Variants in HS6ST3 observed in about 807,000 individuals in gnomAD.
HS6ST3 encodes heparan-sulfate 6-O-sulfotransferase 3.
A neutral mutation model predicts 36.7 loss-of-function variants in HS6ST3; 12 were observed. The observed-to-expected ratio is 0.33, with a 90% CI of 0.21 to 0.53. The LOEUF (loss-of-function observed/expected upper bound fraction) is 0.53. HS6ST3 is among the 20% of genes least tolerant of loss of function. The pLI is 0.95. For missense variants in HS6ST3, 584 were observed against 640.9 expected, an observed-to-expected ratio of 0.91 and a Z score of 0.96; for synonymous variants, 240 against 257.5, an observed-to-expected ratio of 0.93 and a Z score of 0.65.
intron 1 of HS6ST3, among the ~76,000 whole-genome samples, chr13:96,804,926 A>G (rs1353603377): frequency 6.6e-6 from 1 of 152,204 alleles, no homozygotes; most frequent in Non-Finnish European, 1.5e-5. Context: ...GAACATATAT[A>G]TGTATTTATG....
intron 1 of HS6ST3, among the ~76,000 whole-genome samples, chr13:96,418,080 T>A (rs2055543674): frequency 6.6e-6 from 1 of 152,192 alleles, no homozygotes; most frequent in Non-Finnish European, 1.5e-5. Context: ...CTCAGCCTTC[T>A]TGTGCTTAGG....
At chr13:96,538,291 G>C (rs1347610533) in intron 1 of HS6ST3, among the ~76,000 whole-genome samples, 1 of 152,236 alleles carries the variant, frequency 6.6e-6, no homozygotes, top group Non-Finnish European at 1.5e-5. Flanking sequence ...TACTTTGAGA[G>C]AATAAATGAT....
chr13:96,539,005 A>G (rs144860523), intron 1 of HS6ST3, among the ~76,000 whole-genome samples: 98 of 152,046 alleles, frequency 6.4e-4, no homozygotes, highest in African/African-American at 2.1e-3. Flanking sequence ...TTCTGCTCCA[A>G]TATCTGCTTG....
intron 1 of HS6ST3, among the ~76,000 whole-genome samples, chr13:96,187,696 T>A (rs2054270869): frequency 6.6e-6 from 1 of 152,182 alleles, no homozygotes; most frequent in Non-Finnish European, 1.5e-5. Flanking sequence ...ATCCTAAACA[T>A]CCTGACATGT....
chr13:96,348,656 C>G (rs981488784), intron 1 of HS6ST3, among the ~76,000 whole-genome samples: 5 of 152,152 alleles, frequency 3.3e-5, no homozygotes, highest in Non-Finnish European at 5.9e-5. Flanking sequence ...CTGCAGGCAT[C>G]TATTTTGCCA....
chr13:96,770,256 AAGCCAGTCTGG>A (rs1386528426), intron 1 of HS6ST3, among the ~76,000 whole-genome samples: 2 of 152,216 alleles, frequency 1.3e-5, no homozygotes, highest in African/African-American at 4.8e-5. Context: ...TTATTTGTAG[AAGCCAGTCTGG>A]AGCTCCTATG....
chr13:96,162,564 A>G (rs2054140920), intron 1 of HS6ST3, among the ~76,000 whole-genome samples: 1 of 152,218 alleles, frequency 6.6e-6, no homozygotes, highest in South Asian at 2.1e-4. Context: ...TAGGGAAGAG[A>G]AAACACAGAG....
At chr13:96,236,625 G>C (rs2054536032) in intron 1 of HS6ST3, among the ~76,000 whole-genome samples, 1 of 152,096 alleles carries the variant, frequency 6.6e-6, no homozygotes, top group African/African-American at 2.4e-5. Context: ...GTCATTCACT[G>C]TCTCCTTGCC....
Position 96,491,084 on chromosome 13 carries a change from T to C in HS6ST3, c.708-341406T>C, listed in dbSNP as rs572843609. Among the ~76,000 whole-genome samples, 234 of 152,318 alleles carry C rather than the reference T, an allele frequency of 1.5e-3. 1 individual carries two copies. The highest frequency in any genetic ancestry group is 5.3e-3 in the African/African-American group (219 of 41,580). ...GTAGGGTATATGATAGTTCTTAACATGATTTGCCTTCTTGAACTAGTTCTA... is the reference window on the plus strand; with the variant it reads ...GTAGGGTATATGATAGTTCTTAACACGATTTGCCTTCTTGAACTAGTTCTA... On this transcript the variant is annotated intron_variant, in intron 1 of 1. Transcript: ENST00000376705.
chr13:96,683,514 A>G (rs1874666777), intron 1 of HS6ST3, among the ~76,000 whole-genome samples: 1 of 152,036 alleles, frequency 6.6e-6, no homozygotes, highest in Admixed American at 6.6e-5. Flanking sequence ...TTTATAATTT[A>G]TTTATTTTTG....
At chr13:96,632,335 GTTTT>G (rs759352949) in intron 1 of HS6ST3, among the ~76,000 whole-genome samples, 2 of 151,084 alleles carry the variant, frequency 1.3e-5, no homozygotes, top group African/African-American at 4.9e-5. Flanking sequence ...GTTTGTTTTT[GTTTT>G]TTTGTTTTTT....
intron 1 of HS6ST3, among the ~76,000 whole-genome samples, chr13:96,373,418 T>C (rs1436803065): frequency 6.6e-6 from 1 of 152,198 alleles, no homozygotes; most frequent in East Asian, 1.9e-4. Flanking sequence ...GGACTATATA[T>C]GTATTTTGTT....
At chr13:96,253,500 A>G (rs1045389625) in intron 1 of HS6ST3, among the ~76,000 whole-genome samples, 1 of 152,062 alleles carries the variant, frequency 6.6e-6, no homozygotes, top group Non-Finnish European at 1.5e-5. Flanking sequence ...TTTTTGCATC[A>G]TTGGTATGCT....
At position 96,389,399 on chromosome 13, in the gene HS6ST3, T is replaced by A. The variant is rs901118231; in HGVS notation, c.707+297830T>A. ...TGCACAATAAAATTTATTTAAAAAA[T>A]AAAAAAACCTCATAGGTTGGAAATA... On this transcript the variant is annotated intron_variant, in intron 1 of 1. Transcript: ENST00000376705. Among the ~76,000 whole-genome samples the A allele has an allele frequency of 3.3e-5, 5 of 152,130 alleles. No homozygotes were observed. In the East Asian group the frequency reaches 5.8e-4, roughly 18 times the overall value.
chr13:96,582,750 C>A (rs2056346425), intron 1 of HS6ST3, among the ~76,000 whole-genome samples: 1 of 152,138 alleles, frequency 6.6e-6, no homozygotes, highest in Non-Finnish European at 1.5e-5. Context: ...GGCAATGTAG[C>A]AGATCGGCTC....
At chr13:96,538,351 T>C (rs117580581) in intron 1 of HS6ST3, among the ~76,000 whole-genome samples, 2,889 of 152,380 alleles carry the variant, frequency 0.019, 42 homozygotes, top group Middle Eastern at 0.027. Context: ...AGAGATCTAA[T>C]GCATTATAAA....
intron 1 of HS6ST3, chr13:96,169,671 G>A (rs1566898460): frequency 6.6e-6 from 1 of 152,284 alleles, no homozygotes; most frequent in Non-Finnish European, 1.5e-5. Context: ...TCCGCACTAA[G>A]TTTAGCATCA....
chr13:96,352,700 G>A (rs1364103688), intron 1 of HS6ST3, among the ~76,000 whole-genome samples: 4 of 152,120 alleles, frequency 2.6e-5, no homozygotes, highest in African/African-American at 9.7e-5. Flanking sequence ...TAAAAATTGG[G>A]AAATCAGTCC....
chr13:96,328,040 G>C (rs2055042682), intron 1 of HS6ST3, among the ~76,000 whole-genome samples: 1 of 147,692 alleles, frequency 6.8e-6, no homozygotes, highest in Non-Finnish European at 1.5e-5. Context: ...TGTATCCTGA[G>C]ACTTTGCTGA....
Sources: allele counts gnomAD v4.1 joint callset (sites outside exome capture counted in the v4.1 genomes callset), GRCh38; gene constraint gnomAD v4.1.1; transcripts MANE v1.5; gene names NCBI Gene and HGNC (gene_info 2026-07-23, HGNC 2026-07-21).